DAB1: variants seen among roughly 807,000 people sequenced by gnomAD.
The protein encoded by DAB1 is DAB adaptor protein 1.
DAB1 carries 15 observed loss-of-function variants against 64.6 expected under a neutral mutation model. The observed-to-expected ratio is 0.23, with a 90% CI of 0.16 to 0.36. The LOEUF is 0.36. Among genes scored for constraint, DAB1 ranks in the 10% least tolerant of loss-of-function variants. The probability of loss-of-function intolerance (pLI) is 1.00; values close to 1 mark genes in which losing one functional copy is unlikely to be tolerated. For missense variants in DAB1, 596 were observed against 706.7 expected (o/e 0.84, Z 1.78); for synonymous variants, 235 against 251.9 (o/e 0.93, Z 0.64).
chr1:57,439,669 T>C (rs5018074), intron 7 of DAB1, among the ~76,000 whole-genome samples: 33,652 of 118,620 alleles, frequency 0.28, 6,757 homozygotes, highest in African/African-American at 0.43. Context: ...CCTCATGATC[T>C]GCCTGCCTCG....
intron 5 of DAB1, among the ~76,000 whole-genome samples, chr1:57,903,364 T>C (rs1167091427): frequency 1.3e-5 from 2 of 152,204 alleles, no homozygotes; most frequent in Non-Finnish European, 2.9e-5. Context: ...CTCTCCCTTT[T>C]CAATTTTTAG....
intron 5 of DAB1, chr1:58,047,869 C>T (rs1184586276): frequency 7.0e-6 from 2 of 286,490 alleles, no homozygotes; most frequent in South Asian, 4.1e-5. Flanking sequence ...TTCAGCATCA[C>T]GATCAGACTA....
chr1:58,075,081 A>T (rs2100580905), intron 5 of DAB1, among the ~76,000 whole-genome samples: 1 of 152,274 alleles, frequency 6.6e-6, no homozygotes, highest in Middle Eastern at 3.4e-3. Flanking sequence ...TCTGCTCTTT[A>T]GTTTGTTCCT....
intron 7 of DAB1, among the ~76,000 whole-genome samples, chr1:57,466,841 C>T (rs931719931): frequency 6.6e-6 from 1 of 152,182 alleles, no homozygotes; most frequent in Non-Finnish European, 1.5e-5. Flanking sequence ...TCTCACATGA[C>T]CCTCTCCACC....
intron 5 of DAB1, chr1:58,056,564 A>AT: frequency 1.3e-6 from 1 of 779,984 alleles, no homozygotes; most frequent in Non-Finnish European, 2.3e-6. Context: ...TAACTCCCCC[A>AT]TTTTCTGGCT....
chr1:58,098,284 G>A (rs1651110387), intron 5 of DAB1, among the ~76,000 whole-genome samples: 1 of 152,148 alleles, frequency 6.6e-6, no homozygotes, highest in African/African-American at 2.4e-5. Context: ...TGTAGGACAA[G>A]CAAAGGGAAA....
chr1:58,536,959 G>A (rs1441048968), intron 1 of DAB1, among the ~76,000 whole-genome samples: 3 of 151,920 alleles, frequency 2.0e-5, no homozygotes, highest in South Asian at 2.1e-4. Context: ...AATACTCATC[G>A]AAATTTTCTT....
chr1:58,492,219 G>T (rs1221215056), intron 3 of DAB1, among the ~76,000 whole-genome samples: 9 of 152,136 alleles, frequency 5.9e-5, no homozygotes, highest in East Asian at 3.9e-4. Context: ...AAACCAACGA[G>T]AACAAAGACA....
At chr1:57,397,224 T>G (rs1682883148) in intron 1 of DAB1, among the ~76,000 whole-genome samples, 1 of 152,160 alleles carries the variant, frequency 6.6e-6, no homozygotes, top group Non-Finnish European at 1.5e-5. Context: ...CTGCCTCCTC[T>G]AACCTCCAAA....
intron 7 of DAB1, among the ~76,000 whole-genome samples, chr1:57,594,288 T>C (rs913178604): frequency 6.6e-6 from 1 of 152,168 alleles, no homozygotes; most frequent in African/African-American, 2.4e-5. Context: ...GCACACTCAT[T>C]TTTCAAGGCT....
intron 4 of DAB1, among the ~76,000 whole-genome samples, chr1:57,094,268 G>C (rs1653959410): frequency 6.6e-6 from 1 of 152,078 alleles, no homozygotes; most frequent in African/African-American, 2.4e-5. Flanking sequence ...CAGGCACATA[G>C]CAGGGCAGCT....
intron 5 of DAB1, among the ~76,000 whole-genome samples, chr1:58,144,669 C>T (rs1403490357): frequency 1.3e-5 from 2 of 152,048 alleles, no homozygotes; most frequent in African/African-American, 4.8e-5. Flanking sequence ...TCTGACTCTA[C>T]CAGAATGAGT....
At chr1:57,060,098 C>T (rs575040930) in intron 9 of DAB1, among the ~76,000 whole-genome samples, 1 of 139,112 alleles carries the variant, frequency 7.2e-6, no homozygotes, top group South Asian at 2.4e-4. Flanking sequence ...TCACAAATTC[C>T]TTCTACAGAT....
At chr1:57,305,417 G>GT (rs1238997852) in intron 1 of DAB1, among the ~76,000 whole-genome samples, 1 of 152,122 alleles carries the variant, frequency 6.6e-6, no homozygotes, top group Non-Finnish European at 1.5e-5. Context: ...GCTAATCCCC[G>GT]TAAGTGGCCA....
intron 7 of DAB1, among the ~76,000 whole-genome samples, chr1:57,437,556 T>C (rs893149771): frequency 6.6e-6 from 1 of 152,188 alleles, no homozygotes; most frequent in Admixed American, 6.5e-5. Flanking sequence ...AATTCTTCAT[T>C]GTGTTCCTTC....
At chr1:57,265,180 G>A (rs1008018421) in intron 2 of DAB1, among the ~76,000 whole-genome samples, 4 of 152,084 alleles carry the variant, frequency 2.6e-5, no homozygotes, top group East Asian at 1.9e-4. Flanking sequence ...CTCCAGACAC[G>A]GTGAATTTTC....
intron 1 of DAB1, among the ~76,000 whole-genome samples, chr1:57,378,527 G>T (rs761567306): frequency 6.6e-6 from 1 of 152,108 alleles, no homozygotes; most frequent in East Asian, 1.9e-4. Flanking sequence ...GAGGTATTGG[G>T]TATTAGGTGT....
chr1:57,950,914 T>G (rs770808058), intron 5 of DAB1, among the ~76,000 whole-genome samples: 45 of 152,188 alleles, frequency 3.0e-4, no homozygotes, highest in Non-Finnish European at 5.0e-4. Context: ...TCACTTACAG[T>G]CTTCAATATC....
chr1:57,097,414 A>T (rs1366169862), intron 4 of DAB1, among the ~76,000 whole-genome samples: 1 of 152,230 alleles, frequency 6.6e-6, no homozygotes, highest in Non-Finnish European at 1.5e-5. Context: ...AGTTATCCAG[A>T]CAGGAGAAGA....
Sources: gnomAD v4.1 joint callset for allele counts (sites outside exome capture counted in the v4.1 genomes callset) on GRCh38, gnomAD v4.1.1 for gene constraint, MANE v1.5 for transcripts, NCBI Gene and HGNC (gene_info 2026-07-23, HGNC 2026-07-21) for gene names.